UBE2D2: variants seen among roughly 807,000 people sequenced by gnomAD.
UBE2D2 encodes ubiquitin conjugating enzyme E2 D2, also known as ubiquitin-conjugating enzyme E2 D2.
A neutral mutation model predicts 24.2 loss-of-function variants in UBE2D2; 2 were observed. The ratio of observed to expected loss-of-function variants is 0.08; its 90% confidence interval spans 0.03 to 0.26. UBE2D2 has a LOEUF of 0.26. UBE2D2 is among the 10% of genes least tolerant of loss of function. UBE2D2 has a pLI of 1.00. For synonymous variants in UBE2D2, 58 were observed against 56.5 expected (o/e 1.03, Z -0.12); for missense variants, 44 against 177.6 (o/e 0.25, Z 4.28).
At chr5:139,612,237 C>G (rs1332868362) in intron 2 of UBE2D2, 2 of 152,840 alleles carry the variant, frequency 1.3e-5, no homozygotes, top group African/African-American at 4.8e-5. Context: ...CAGTGGACTT[C>G]TGATGAGATC....
At chr5:139,534,662 T>A (rs77017610) in intron 1 of UBE2D2, among the ~76,000 whole-genome samples, 3 of 150,206 alleles carry the variant, frequency 2.0e-5, no homozygotes, top group Admixed American at 2.0e-4. Flanking sequence ...CTTGAACCTG[T>A]GAGGCTGAGG....
chr5:139,548,556 CAA>C (rs1752867643), intron 1 of UBE2D2, among the ~76,000 whole-genome samples: 1 of 152,112 alleles, frequency 6.6e-6, no homozygotes. Context: ...CCCTCATGGG[CAA>C]AAGGTTGGCT....
intron 1 of UBE2D2, among the ~76,000 whole-genome samples, chr5:139,598,391 G>A (rs992306681): frequency 9.9e-5 from 15 of 151,854 alleles, no homozygotes; most frequent in African/African-American, 3.1e-4. Context: ...ACCAAGCTGA[G>A]GGGAAATGGA....
chr5:139,554,327 C>A (rs1368054338), intron 1 of UBE2D2, among the ~76,000 whole-genome samples: 1 of 152,188 alleles, frequency 6.6e-6, no homozygotes, highest in Non-Finnish European at 1.5e-5. Context: ...TGCCACTGTG[C>A]CAGGGCTCTG....
chr5:139,582,458 A>G (rs1240689735), intron 1 of UBE2D2, among the ~76,000 whole-genome samples: 1 of 150,982 alleles, frequency 6.6e-6, no homozygotes, highest in Non-Finnish European at 1.5e-5. Context: ...TGATCCTCCC[A>G]CTTCGGCCTC....
chr5:139,596,054 C>T (rs1201039435), intron 1 of UBE2D2, among the ~76,000 whole-genome samples: 19 of 149,762 alleles, frequency 1.3e-4, no homozygotes, highest in Middle Eastern at 3.5e-3. Context: ...CCACCATGCC[C>T]GGCTAATTTT....
chr5:139,554,398 C>T lies in UBE2D2; in HGVS notation c.-64+27786C>T, dbSNP rs78106738. The stretch of plus-strand genomic sequence containing the variant: ...CACCTGACTTCACACAACAAAAATT[C>T]GTTTTGTCTGTTTTTGAACTTCATT... On this transcript the variant is annotated intron_variant, in intron 1 of 6. Transcript: ENST00000511725. 3.3e-5 allele frequency among the ~76,000 whole-genome samples: 5 copies of T among 152,270 alleles called. No individual in the cohort carries two copies. The East Asian group carries it at 7.7e-4, about 24-fold the overall frequency.
intron 1 of UBE2D2, among the ~76,000 whole-genome samples, chr5:139,551,164 G>A (rs1752916461): frequency 6.6e-6 from 1 of 152,102 alleles, no homozygotes; most frequent in African/African-American, 2.4e-5. Context: ...GGCCAATATA[G>A]TGAAACCCCA....
intron 6 of UBE2D2, among the ~76,000 whole-genome samples, chr5:139,625,110 T>C (rs1327081369): frequency 6.7e-6 from 1 of 148,478 alleles, no homozygotes; most frequent in East Asian, 2.0e-4. Flanking sequence ...CAGACTGGAG[T>C]ACAGTGGCAC....
intron 1 of UBE2D2, among the ~76,000 whole-genome samples, chr5:139,540,071 C>A (rs1010603326): frequency 1.3e-5 from 2 of 151,844 alleles, no homozygotes; most frequent in Non-Finnish European, 2.9e-5. Flanking sequence ...AGGCATGCAC[C>A]ACTACGCCTG....
rs1237066828 is a variant in UBE2D2, at chr5:139,627,116, G to T, written c.*315G>T. ...ATTTGGATAACAGCAAGGTGTGAGG[G>T]GGGTGGTGGGTATGGTGTGTGCTTG... On this transcript the variant is annotated 3_prime_UTR_variant, in exon 7 of 7. Coordinates refer to ENST00000398733, the MANE Select transcript of UBE2D2 (RefSeq NM_003339.3). 1 of 284,540 alleles carries T rather than the reference G, an allele frequency of 3.5e-6. No homozygotes were observed. Among genetic ancestry groups the T allele is most frequent in the South Asian group, 4.3e-5 (1 of 23,016 alleles). The allele number at this position is 284,540 out of a possible 1,614,324, so 17.6% of individuals were successfully genotyped here.
intron 1 of UBE2D2, among the ~76,000 whole-genome samples, chr5:139,532,120 T>G (rs1485871431): frequency 1.3e-5 from 2 of 151,958 alleles, no homozygotes; most frequent in African/African-American, 4.8e-5. Flanking sequence ...TATCGAAAAT[T>G]TCAGTTTGCA....
At chr5:139,574,230 G>A (rs1326105831) in intron 1 of UBE2D2, among the ~76,000 whole-genome samples, 6 of 138,628 alleles carry the variant, frequency 4.3e-5, no homozygotes, top group Non-Finnish European at 9.1e-5. Context: ...GCAGTGAGCT[G>A]AGATTGCACA....
intron 1 of UBE2D2, among the ~76,000 whole-genome samples, chr5:139,553,396 ATCTG>A (rs1291412362): frequency 2.0e-5 from 3 of 152,206 alleles, no homozygotes; most frequent in Admixed American, 6.5e-5. Flanking sequence ...CACAGCAGTC[ATCTG>A]TCTATTTATA....
chr5:139,591,396 A>G (rs1003708758), intron 1 of UBE2D2, among the ~76,000 whole-genome samples: 2 of 152,134 alleles, frequency 1.3e-5, no homozygotes, highest in Non-Finnish European at 2.9e-5. Flanking sequence ...CTGGGATTAC[A>G]GGCATGAGCC....
chr5:139,607,123 A>C (rs1356292862), intron 2 of UBE2D2, among the ~76,000 whole-genome samples: 2 of 152,160 alleles, frequency 1.3e-5, no homozygotes, highest in Admixed American at 1.3e-4. Flanking sequence ...TATTTCTAAA[A>C]ACATTGTAAT....
intron 5 of UBE2D2, among the ~76,000 whole-genome samples, chr5:139,622,436 G>C (rs1754529051): frequency 6.7e-6 from 1 of 150,244 alleles, no homozygotes; most frequent in African/African-American, 2.4e-5. Flanking sequence ...GTAGAGATGG[G>C]GTTTTACCAT....
intron 1 of UBE2D2, among the ~76,000 whole-genome samples, chr5:139,598,915 ATTCCT>A (rs1754012476): frequency 9.7e-6 from 1 of 102,612 alleles, no homozygotes; most frequent in Admixed American, 1.0e-4. Context: ...TTTAAAATAT[ATTCCT>A]TTTTTTTTTT....
intron 1 of UBE2D2, among the ~76,000 whole-genome samples, chr5:139,575,071 G>A (rs1364144554): frequency 6.6e-6 from 1 of 152,094 alleles, no homozygotes; most frequent in Non-Finnish European, 1.5e-5. Context: ...CAATAAAAAG[G>A]AACAAATAGT....
Sources: allele counts gnomAD v4.1 joint callset (sites outside exome capture counted in the v4.1 genomes callset), GRCh38; gene constraint gnomAD v4.1.1; transcripts MANE v1.5; gene names NCBI Gene and HGNC (gene_info 2026-07-23, HGNC 2026-07-21).